The following MDGA2 variants were observed in gnomAD, a reference collection of about 807,000 sequenced individuals.
The protein encoded by MDGA2 is MAM domain containing glycosylphosphatidylinositol anchor 2.
Under a neutral mutation model 117.8 loss-of-function variants are expected in MDGA2, and 40 were observed. The observed-to-expected ratio is 0.34, with a 90% CI of 0.26 to 0.44. The LOEUF is 0.44. Among genes scored for constraint, MDGA2 ranks in the 20% least tolerant of loss-of-function variants. MDGA2 has a pLI of 1.00. For synonymous variants in MDGA2, 452 were observed against 439.0 expected (o/e 1.03, Z -0.37); for missense variants, 1,123 against 1,250.6 (o/e 0.90, Z 1.54).
At chr14:47,557,571 T>C (rs1432580753) in intron 1 of MDGA2, among the ~76,000 whole-genome samples, 2 of 152,146 alleles carry the variant, frequency 1.3e-5, no homozygotes, top group African/African-American at 4.8e-5. Flanking sequence ...GGGAGGCAGA[T>C]ACAATGTTAA....
intron 2 of MDGA2, among the ~76,000 whole-genome samples, chr14:47,259,822 T>C (rs542541883): frequency 2.0e-5 from 3 of 152,162 alleles, no homozygotes; most frequent in Non-Finnish European, 1.5e-5. Context: ...GAGCAGGATG[T>C]TGCACATTTA....
chr14:47,059,326 A>T, intron 7 of MDGA2: 1 of 1,274,770 alleles, frequency 7.8e-7, no homozygotes, highest in Non-Finnish European at 1.0e-6. Flanking sequence ...GGTACTTTCC[A>T]GGGGTAGTGT....
chr14:46,849,221 A>G (rs1193097079), intron 15 of MDGA2, among the ~76,000 whole-genome samples: 1 of 151,954 alleles, frequency 6.6e-6, no homozygotes, highest in Non-Finnish European at 1.5e-5. Context: ...AGGCCAGAGA[A>G]ATCTGCAGTC....
At chr14:47,203,970 G>A (rs1398880594) in intron 3 of MDGA2, among the ~76,000 whole-genome samples, 1 of 151,914 alleles carries the variant, frequency 6.6e-6, no homozygotes, top group Admixed American at 6.6e-5. Context: ...GATCTGACAG[G>A]TGTCAATAAG....
intron 3 of MDGA2, among the ~76,000 whole-genome samples, chr14:47,179,080 G>A (rs1365892672): frequency 6.6e-6 from 1 of 152,042 alleles, no homozygotes; most frequent in Non-Finnish European, 1.5e-5. Context: ...AACAATTTTA[G>A]TTGACAACCT....
intron 8 of MDGA2, chr14:46,997,004 A>C: frequency 2.8e-6 from 1 of 362,330 alleles, no homozygotes; most frequent in Non-Finnish European, 5.2e-6. Flanking sequence ...GTGGCCAAAA[A>C]CTAGGTGTTG....
intron 6 of MDGA2, among the ~76,000 whole-genome samples, chr14:47,074,411 G>C (rs570004852): frequency 6.6e-6 from 1 of 151,812 alleles, no homozygotes; most frequent in South Asian, 2.1e-4. Flanking sequence ...CCATTCTCCT[G>C]CCTCAGCCTC....
At chr14:46,949,086 C>A (rs1014268765) in intron 9 of MDGA2, among the ~76,000 whole-genome samples, 29 of 152,108 alleles carry the variant, frequency 1.9e-4, no homozygotes, top group Non-Finnish European at 1.5e-4. Flanking sequence ...ATTTGATAAT[C>A]CTAAAATTAT....
intron 1 of MDGA2, among the ~76,000 whole-genome samples, chr14:47,369,192 A>C (rs1891292634): frequency 6.6e-6 from 1 of 152,120 alleles, no homozygotes; most frequent in Admixed American, 6.6e-5. Flanking sequence ...ATCATTAAAT[A>C]TTTCCAATGA....
intron 3 of MDGA2, among the ~76,000 whole-genome samples, chr14:47,193,265 C>T (rs924411731): frequency 6.6e-6 from 1 of 152,182 alleles, no homozygotes; most frequent in African/African-American, 2.4e-5. Context: ...TAGTTTGCCA[C>T]TGAATGTAGC....
At chr14:47,082,527 C>T (rs147097071) in intron 6 of MDGA2, among the ~76,000 whole-genome samples, 2 of 152,070 alleles carry the variant, frequency 1.3e-5, no homozygotes, top group Admixed American at 6.5e-5. Flanking sequence ...CATTAACAAG[C>T]CAGTCTTCAA....
At chr14:46,858,131 A>C in intron 14 of MDGA2, among the ~76,000 whole-genome samples, 1 of 150,896 alleles carries the variant, frequency 6.6e-6, no homozygotes, top group African/African-American at 2.4e-5. Context: ...ATTTTTCTTC[A>C]ATATTTTCCC....
chr14:47,518,868 C>T (rs1340941192), intron 1 of MDGA2, among the ~76,000 whole-genome samples: 1 of 152,164 alleles, frequency 6.6e-6, no homozygotes, highest in African/African-American at 2.4e-5. Flanking sequence ...CATTTTCCAA[C>T]TTTTGCCTCT....
At chr14:47,060,887 A>C (rs1308647940) in intron 7 of MDGA2, among the ~76,000 whole-genome samples, 1 of 151,948 alleles carries the variant, frequency 6.6e-6, no homozygotes, top group African/African-American at 2.4e-5. Flanking sequence ...GCTTTGTTTA[A>C]AATTTCTGAA....
At chr14:47,288,404 A>T (rs1197850533) in intron 2 of MDGA2, among the ~76,000 whole-genome samples, 1 of 152,140 alleles carries the variant, frequency 6.6e-6, no homozygotes, top group Non-Finnish European at 1.5e-5. Context: ...CAACACAAAA[A>T]ATTCACGTCA....
rs751653142 is a variant in MDGA2 at position 46,845,772 on chromosome 14, T to C, written c.2983A>G (p.Thr995Ala). Reference sequence around the variant, plus strand: ...CTCAAGCAAAGATACTTACTCTTAGTTGCTAGGTCTTGTTTTGCACATTCT... The same window carrying C: ...CTCAAGCAAAGATACTTACTCTTAGCTGCTAGGTCTTGTTTTGCACATTCT... ...EGECAKQDLA[T>A]KNSVDGAVGI... The change falls in exon 16 of 17, where the codon ACT becomes GCT. Residue 995 changes from threonine to alanine, a missense_variant. By Grantham distance (58) the Thr-to-Ala change is moderately conservative. Around this residue, in one of 2 missense-constraint regions of MDGA2, gnomAD observed 890 missense variants for 1,050.3 expected, o/e 0.85. Coordinates refer to ENST00000399232, the MANE Select transcript of MDGA2 (RefSeq NM_001113498.3). 1.1e-4 allele frequency: 182 copies of C among 1,605,812 alleles called. No individual in the cohort carries two copies. Among genetic ancestry groups the C allele is most frequent in the Non-Finnish European group, 1.5e-4 (177 of 1,173,304 alleles).
At chr14:46,845,897 A>T in intron 15 of MDGA2, 26 bp from the exon 16 acceptor site, 1 of 1,526,366 alleles carries the variant, frequency 6.6e-7, no homozygotes, top group Middle Eastern at 1.7e-4. Context: ...AAACAAACCT[A>T]AATGTGGAGC....
At chr14:47,503,736 T>C (rs555066273) in intron 1 of MDGA2, among the ~76,000 whole-genome samples, 2 of 152,268 alleles carry the variant, frequency 1.3e-5, no homozygotes, top group African/African-American at 4.8e-5. Flanking sequence ...CCTTGCTTCT[T>C]ATCCCTTTAT....
chr14:47,666,954 G>A (rs1042265670), intron 1 of MDGA2, among the ~76,000 whole-genome samples: 8 of 151,918 alleles, frequency 5.3e-5, no homozygotes, highest in African/African-American at 1.2e-4. Context: ...CTGAGCCAGC[G>A]AGACCACAAA....
Sources: gnomAD v4.1 joint callset for allele counts (sites outside exome capture counted in the v4.1 genomes callset) on GRCh38, gnomAD v4.1.1 for gene constraint, gnomAD v4.1.1 regional missense constraint, MANE v1.5 for transcripts, NCBI Gene and HGNC (gene_info 2026-07-23, HGNC 2026-07-21) for gene names.